The following HMGCLL1 variants were observed in gnomAD, a reference collection of about 807,000 sequenced individuals.
HMGCLL1 encodes 3-hydroxy-3-methylglutaryl-CoA lyase like 1, also known as 3-hydroxymethyl-3-methylglutaryl-CoA lyase, cytoplasmic.
HMGCLL1 carries 36 observed loss-of-function variants against 39.1 expected under a neutral mutation model. The observed-to-expected ratio is 0.92, with a 90% CI of 0.71 to 1.22. The LOEUF is 1.22. Among genes scored for constraint, HMGCLL1 ranks in the 50% most tolerant of loss-of-function variants. The pLI is 0.00. For synonymous variants in HMGCLL1, 149 were observed against 144.0 expected (o/e 1.03, Z -0.25); for missense variants, 451 against 416.5 (o/e 1.08, Z -0.72).
chr6:55,467,236 CATTT>C (rs1311735876), intron 7 of HMGCLL1, among the ~76,000 whole-genome samples: 1 of 152,064 alleles, frequency 6.6e-6, no homozygotes, highest in Non-Finnish European at 1.5e-5. Flanking sequence ...CGTGTAAAAA[CATTT>C]ATTCTATGTA....
intron 7 of HMGCLL1, among the ~76,000 whole-genome samples, chr6:55,471,359 A>G (rs1250603574): frequency 6.6e-6 from 1 of 151,774 alleles, no homozygotes; most frequent in Admixed American, 6.6e-5. Context: ...TTATCATTAT[A>G]AACAATTCTG....
chr6:55,509,509 C>T (rs900310627), intron 5 of HMGCLL1, among the ~76,000 whole-genome samples: 5 of 151,808 alleles, frequency 3.3e-5, no homozygotes, highest in African/African-American at 4.8e-5. Context: ...CTCAATGCAA[C>T]GTGACCTAGG....
the HMGCLL1 span, among the ~76,000 whole-genome samples, chr6:55,663,842 A>G: frequency 3.3e-5 from 5 of 151,860 alleles, no homozygotes; most frequent in African/African-American, 1.2e-4. Context: ...TTGCTTAATG[A>G]ATCTAGGTGC....
the HMGCLL1 span, among the ~76,000 whole-genome samples, chr6:55,669,244 C>G: frequency 1.0e-3 from 158 of 151,944 alleles, no homozygotes; most frequent in Middle Eastern, 3.4e-3. Context: ...CCTTCCAGGT[C>G]CCACATGGAA....
At chr6:55,640,771 A>T in the HMGCLL1 span, among the ~76,000 whole-genome samples, 2 of 151,542 alleles carry the variant, frequency 1.3e-5, no homozygotes, top group African/African-American at 4.8e-5. Context: ...TTTATGTATT[A>T]TATATACTAT....
intron 3 of HMGCLL1, among the ~76,000 whole-genome samples, chr6:55,533,752 AGCG>A (rs1231815422): frequency 2.1e-5 from 3 of 146,242 alleles, no homozygotes; most frequent in Non-Finnish European, 4.6e-5. Context: ...CGGGCGTGGT[AGCG>A]GGCGCCTGTA....
intron 7 of HMGCLL1, among the ~76,000 whole-genome samples, chr6:55,494,818 T>A (rs1020334613): frequency 6.6e-5 from 10 of 152,196 alleles, no homozygotes; most frequent in African/African-American, 2.2e-4. Flanking sequence ...TTCTTTCAAA[T>A]GAATACATTT....
At chr6:55,579,297 C>T (rs1318953904), upstream of HMGCLL1, 3 of 581,012 alleles carry the variant, frequency 5.2e-6, no homozygotes, top group Non-Finnish European at 9.3e-6. Context: ...AAATGCCGAG[C>T]ACCTGAACAG....
intron 7 of HMGCLL1, among the ~76,000 whole-genome samples, chr6:55,484,366 C>A (rs943585281): frequency 3.3e-5 from 5 of 151,962 alleles, no homozygotes; most frequent in Non-Finnish European, 7.4e-5. Context: ...TGGAATGTCT[C>A]GGTGCCCCAT....
the HMGCLL1 span, among the ~76,000 whole-genome samples, chr6:55,657,183 T>C: frequency 6.6e-6 from 1 of 152,116 alleles, no homozygotes; most frequent in Admixed American, 6.6e-5. Context: ...TCTTTTGCTG[T>C]GCAGAAGCGC....
At chr6:55,532,803 ACATAATAAT>A (rs373227140) in intron 3 of HMGCLL1, among the ~76,000 whole-genome samples, 4,820 of 138,408 alleles carry the variant, frequency 0.035, 122 homozygotes, top group African/African-American at 0.063. Context: ...TCTGTCTCAA[ACATAATAAT>A]AATAATAATA....
chr6:55,633,974 A>T, the HMGCLL1 span, among the ~76,000 whole-genome samples: 1 of 152,130 alleles, frequency 6.6e-6, no homozygotes, highest in African/African-American at 2.4e-5. Flanking sequence ...CAAATATTTC[A>T]TTCAAATAAA....
intron 1 of HMGCLL1, among the ~76,000 whole-genome samples, chr6:55,548,662 G>A (rs1770131805): frequency 1.3e-5 from 2 of 151,716 alleles, no homozygotes; most frequent in Admixed American, 1.3e-4. Flanking sequence ...ATGCAGCCAG[G>A]TGTTTAATAT....
intron 1 of HMGCLL1, among the ~76,000 whole-genome samples, chr6:55,571,784 G>T (rs2127476747): frequency 6.6e-6 from 1 of 152,146 alleles, no homozygotes; most frequent in East Asian, 1.9e-4. Flanking sequence ...ACTCCAGCCT[G>T]GGTGACAGAG....
chr6:55,658,353 C>G, the HMGCLL1 span, among the ~76,000 whole-genome samples: 1 of 151,924 alleles, frequency 6.6e-6, no homozygotes, highest in Non-Finnish European at 1.5e-5. Context: ...ATACTCCCAA[C>G]AAAAATATCA....
chr6:55,620,746 G>A, the HMGCLL1 span, among the ~76,000 whole-genome samples: 1 of 151,942 alleles, frequency 6.6e-6, no homozygotes, highest in Admixed American at 6.6e-5. Context: ...TCAGGTCTCA[G>A]ATTTAAATTT....
chr6:55,511,189 A>G (rs1340237331), intron 5 of HMGCLL1, among the ~76,000 whole-genome samples: 5 of 152,066 alleles, frequency 3.3e-5, no homozygotes, highest in Admixed American at 3.3e-4. Context: ...TAATAGAAAA[A>G]TTATCTAGAT....
At chr6:55,574,108 CAT>C (rs1290848646) in intron 1 of HMGCLL1, among the ~76,000 whole-genome samples, 8 of 151,462 alleles carry the variant, frequency 5.3e-5, no homozygotes, top group African/African-American at 1.7e-4. Flanking sequence ...TTATAAACAT[CAT>C]ATATGTGTGT....
At chr6:55,595,015 T>G in the HMGCLL1 span, among the ~76,000 whole-genome samples, 7 of 152,320 alleles carry the variant, frequency 4.6e-5, no homozygotes, top group East Asian at 1.3e-3. Context: ...ATGCTTTTTA[T>G]TTTTCCGTAC....
Sources: allele counts gnomAD v4.1 joint callset (sites outside exome capture counted in the v4.1 genomes callset), GRCh38; gene constraint gnomAD v4.1.1; transcripts MANE v1.5; gene names NCBI Gene and HGNC (gene_info 2026-07-23, HGNC 2026-07-21).